Variants in ZNF423 observed in about 807,000 individuals in gnomAD.
The protein encoded by ZNF423 is Ebf-associated zinc finger protein.
ZNF423 carries 12 observed loss-of-function variants against 95.8 expected under a neutral mutation model. That is an observed-to-expected ratio of 0.13 (90% CI 0.08 to 0.20). The LOEUF (loss-of-function observed/expected upper bound fraction) is 0.20, where lower values mean the gene tolerates loss of function less well. Ranked by LOEUF, ZNF423 falls within the 10% of genes least tolerant of loss-of-function variation. The pLI is 1.00. For synonymous variants in ZNF423, 749 were observed against 711.9 expected, an observed-to-expected ratio of 1.05 and a Z score of -0.83; for missense variants, 1,316 against 1,737.1, an observed-to-expected ratio of 0.76 and a Z score of 4.31.
At chr16:49,810,635 A>G (rs939995051) in intron 1 of ZNF423, among the ~76,000 whole-genome samples, 13 of 152,300 alleles carry the variant, frequency 8.5e-5, no homozygotes, top group African/African-American at 3.1e-4. Flanking sequence ...CCATGAGTTG[A>G]TTAAAATGAA....
At chr16:49,724,499 C>A (rs970150223) in intron 3 of ZNF423, among the ~76,000 whole-genome samples, 2 of 152,260 alleles carry the variant, frequency 1.3e-5, no homozygotes, top group Non-Finnish European at 2.9e-5. Flanking sequence ...CAGCCCCACA[C>A]TGCACGACCA....
intron 1 of ZNF423, chr16:49,827,074 C>G (rs1471772087): frequency 6.6e-6 from 1 of 152,186 alleles, no homozygotes; most frequent in Non-Finnish European, 1.5e-5. Flanking sequence ...ATTTTAAGGA[C>G]TTTACCATTC....
chr16:49,794,260 GT>G (rs2034464876), intron 1 of ZNF423, among the ~76,000 whole-genome samples: 1 of 149,302 alleles, frequency 6.7e-6, no homozygotes, highest in African/African-American at 2.5e-5. Context: ...GTGGAGACAG[GT>G]TTTTGCCATG....
chr16:49,754,868 G>A (rs2033696558), intron 2 of ZNF423, among the ~76,000 whole-genome samples: 1 of 152,204 alleles, frequency 6.6e-6, no homozygotes, highest in South Asian at 2.1e-4. Context: ...CTCCCTCAAA[G>A]GGCCCCCTGG....
At chr16:49,737,616 CG>C (rs1306080425) in intron 2 of ZNF423, among the ~76,000 whole-genome samples, 2 of 152,226 alleles carry the variant, frequency 1.3e-5, no homozygotes, top group African/African-American at 4.8e-5. Context: ...TGCAAAATCA[CG>C]GGGCAGGGGA....
intron 1 of ZNF423, among the ~76,000 whole-genome samples, chr16:49,841,156 G>C (rs1002633424): frequency 6.0e-4 from 91 of 152,286 alleles, no homozygotes; most frequent in African/African-American, 2.2e-3. Flanking sequence ...AGGACGTGGG[G>C]AAAGAGGGGT....
intron 7 of ZNF423, among the ~76,000 whole-genome samples, chr16:49,513,178 C>T (rs1967968660): frequency 6.6e-6 from 1 of 152,218 alleles, no homozygotes; most frequent in Admixed American, 6.5e-5. Flanking sequence ...CCTCCCCAGG[C>T]TCCTGGCCTC....
At chr16:49,727,812 G>T (rs151265043) in intron 3 of ZNF423, among the ~76,000 whole-genome samples, 1 of 152,350 alleles carries the variant, frequency 6.6e-6, no homozygotes, top group East Asian at 1.9e-4. Flanking sequence ...GGGCACCATG[G>T]TCTGCCCAGC....
At chr16:49,786,171 C>T (rs1284041941) in intron 2 of ZNF423, among the ~76,000 whole-genome samples, 3 of 152,212 alleles carry the variant, frequency 2.0e-5, no homozygotes, top group African/African-American at 7.2e-5. Flanking sequence ...CAGGATATTG[C>T]CATGAGCTGA....
intron 3 of ZNF423, among the ~76,000 whole-genome samples, chr16:49,667,665 T>C (rs544036962): frequency 2.6e-5 from 4 of 152,248 alleles, no homozygotes; most frequent in Non-Finnish European, 5.9e-5. Context: ...GAGGATCCCT[T>C]GAGCCCAGGA....
intron 5 of ZNF423, among the ~76,000 whole-genome samples, chr16:49,590,997 A>AAC (rs1970996249): frequency 6.6e-6 from 1 of 152,218 alleles, no homozygotes; most frequent in South Asian, 2.1e-4. Flanking sequence ...CTTATAATGG[A>AAC]ACACCAAGCA....
chr16:49,695,241 G>A (rs941557629), intron 3 of ZNF423, among the ~76,000 whole-genome samples: 1 of 152,172 alleles, frequency 6.6e-6, no homozygotes, highest in Non-Finnish European at 1.5e-5. Context: ...AACCTCCCAA[G>A]TAGCTGGCAT....
chr16:49,852,855 A>G lies in ZNF423; in HGVS notation c.40+2880T>C, dbSNP rs561153634. Among the ~76,000 whole-genome samples the G allele has an allele frequency of 9.2e-5, 14 of 152,092 alleles. No individual in the cohort carries two copies. In the East Asian group the frequency reaches 2.7e-3, roughly 29 times the overall value. On this transcript the variant is annotated intron_variant, in intron 1 of 7. Transcript: ENST00000563137. ...AGAAGGACAAACACACTGCGGGGAC[A>G]AGGGACCCCACTCCAGAAGGGAGGT... is the stretch of plus-strand genomic sequence containing the variant.
intron 1 of ZNF423, among the ~76,000 whole-genome samples, chr16:49,812,749 TCA>T (rs2034774017): frequency 6.6e-6 from 1 of 152,166 alleles, no homozygotes; most frequent in African/African-American, 2.4e-5. Flanking sequence ...GAATCATTTC[TCA>T]CAGTCTGGAA....
chr16:49,497,894 C>T (rs184256523), intron 7 of ZNF423, among the ~76,000 whole-genome samples: 95 of 152,288 alleles, frequency 6.2e-4, no homozygotes, highest in East Asian at 1.5e-3. Flanking sequence ...GTGCAGTAGA[C>T]GGAAGAGAGC....
chr16:49,857,342 C>A (rs1395553156), upstream of ZNF423, among the ~76,000 whole-genome samples: 3 of 150,030 alleles, frequency 2.0e-5, no homozygotes, highest in African/African-American at 7.3e-5. The surrounding 1 kb of genome is among the most constrained non-coding windows in gnomAD (Gnocchi z 6.2). Context: ...ACGGCGCGGG[C>A]GCGGGCACCG....
chr16:49,815,898 ATATATATATATATATATTTTTT>A (rs2034840375), intron 1 of ZNF423, among the ~76,000 whole-genome samples: 1 of 47,776 alleles, frequency 2.1e-5, no homozygotes, highest in Non-Finnish European at 3.8e-5. Flanking sequence ...ATATATATAT[ATATATATATATATATATTTTTT>A]TTTTTTTTTT....
chr16:49,618,588 T>C (rs1375357308), intron 5 of ZNF423, among the ~76,000 whole-genome samples: 1 of 152,184 alleles, frequency 6.6e-6, no homozygotes, highest in Non-Finnish European at 1.5e-5. Flanking sequence ...TCCACTATGA[T>C]TGTAAGTTTC....
At chr16:49,716,959 A>G (rs1237147970) in intron 3 of ZNF423, among the ~76,000 whole-genome samples, 1 of 152,160 alleles carries the variant, frequency 6.6e-6, no homozygotes, top group Non-Finnish European at 1.5e-5. Flanking sequence ...GATGTCAATC[A>G]CAGGATCTCA....
Sources: allele counts gnomAD v4.1 joint callset (sites outside exome capture counted in the v4.1 genomes callset), GRCh38; gene constraint gnomAD v4.1.1; non-coding constraint Gnocchi (gnomAD v3.1); transcripts MANE v1.5; gene names NCBI Gene and HGNC (gene_info 2026-07-23, HGNC 2026-07-21).